Variants in HS6ST3 observed in about 807,000 individuals in gnomAD.
HS6ST3 encodes the protein heparan sulfate 6-O-sulfotransferase 3.
Under a neutral mutation model 36.7 loss-of-function variants are expected in HS6ST3, and 12 were observed. The ratio of observed to expected loss-of-function variants is 0.33; its 90% CI spans 0.21 to 0.53. The LOEUF (loss-of-function observed/expected upper bound fraction) is 0.53. Ranked by LOEUF, HS6ST3 falls within the 20% of genes least tolerant of loss-of-function variation. HS6ST3 has a pLI of 0.95. For missense variants in HS6ST3, 584 were observed against 640.9 expected, an observed-to-expected ratio of 0.91 and a Z score of 0.96; for synonymous variants, 240 against 257.5, an observed-to-expected ratio of 0.93 and a Z score of 0.65.
intron 1 of HS6ST3, among the ~76,000 whole-genome samples, chr13:96,540,420 C>T (rs566337413): frequency 8.6e-4 from 131 of 152,154 alleles, no homozygotes; most frequent in African/African-American, 3.0e-3. Context: ...CTTTTGCTTG[C>T]TTAACTTGTC....
chr13:96,490,389 A>G (rs971663015), intron 1 of HS6ST3, among the ~76,000 whole-genome samples: 2 of 152,160 alleles, frequency 1.3e-5, no homozygotes, highest in Admixed American at 6.6e-5. Flanking sequence ...GTGGTCAACT[A>G]TAAACAAGCA....
At chr13:96,161,056 T>C (rs544052694) in intron 1 of HS6ST3, among the ~76,000 whole-genome samples, 100 of 152,326 alleles carry the variant, frequency 6.6e-4, no homozygotes, top group African/African-American at 2.3e-3. Flanking sequence ...ATTTGCCAAG[T>C]AGCATTTCTA....
At chr13:96,384,901 C>T (rs894160927) in intron 1 of HS6ST3, among the ~76,000 whole-genome samples, 11 of 152,084 alleles carry the variant, frequency 7.2e-5, no homozygotes, top group Admixed American at 3.9e-4. Context: ...GTTCTTTGGC[C>T]GGGCACAGTG....
chr13:96,294,966 T>C (rs1314231020), intron 1 of HS6ST3, among the ~76,000 whole-genome samples: 1 of 152,108 alleles, frequency 6.6e-6, no homozygotes, highest in African/African-American at 2.4e-5. Flanking sequence ...AAAATTTCCT[T>C]CCTTAGTTTT....
intron 1 of HS6ST3, among the ~76,000 whole-genome samples, chr13:96,422,161 G>A (rs1355378422): frequency 1.3e-5 from 2 of 152,162 alleles, no homozygotes; most frequent in Non-Finnish European, 2.9e-5. Context: ...CAGTAAGAGC[G>A]ATGGCAGTCT....
intron 1 of HS6ST3, among the ~76,000 whole-genome samples, chr13:96,447,522 G>C (rs2055704923): frequency 6.6e-6 from 1 of 152,156 alleles, no homozygotes; most frequent in African/African-American, 2.4e-5. Context: ...GCAAATGCTG[G>C]CTGTTAGAAA....
intron 1 of HS6ST3, among the ~76,000 whole-genome samples, chr13:96,653,169 C>T (rs1457097770): frequency 1.3e-5 from 2 of 151,942 alleles, no homozygotes; most frequent in Non-Finnish European, 2.9e-5. Flanking sequence ...ATTGGGAAAC[C>T]TCAACTGTTG....
At chr13:96,268,767 A>T (rs142866526) in intron 1 of HS6ST3, among the ~76,000 whole-genome samples, 2 of 152,008 alleles carry the variant, frequency 1.3e-5, no homozygotes. Context: ...TATATTTTGT[A>T]TATTATATCT....
chr13:96,567,357 G>T (rs1013399075), intron 1 of HS6ST3, among the ~76,000 whole-genome samples: 1 of 152,120 alleles, frequency 6.6e-6, no homozygotes, highest in Non-Finnish European at 1.5e-5. Context: ...AGAGGGGGTG[G>T]TAGAGGTAGG....
chr13:96,302,080 G>T (rs2054886213), intron 1 of HS6ST3, among the ~76,000 whole-genome samples: 1 of 151,766 alleles, frequency 6.6e-6, no homozygotes, highest in Admixed American at 6.6e-5. Flanking sequence ...TGGCAGTGGG[G>T]GTTATATTAA....
intron 1 of HS6ST3, among the ~76,000 whole-genome samples, chr13:96,455,941 G>A (rs140630784): frequency 6.6e-6 from 1 of 152,254 alleles, no homozygotes; most frequent in African/African-American, 2.4e-5. Flanking sequence ...AAAAGCTGAT[G>A]GTTAAACCTA....
chr13:96,398,840 A>T (rs1353052292), intron 1 of HS6ST3, among the ~76,000 whole-genome samples: 1 of 152,154 alleles, frequency 6.6e-6, no homozygotes, highest in Non-Finnish European at 1.5e-5. Flanking sequence ...CTGGCCCTGG[A>T]GGCTGCCTCT....
chr13:96,203,411 G>A (rs1385775419), intron 1 of HS6ST3, among the ~76,000 whole-genome samples: 1 of 152,216 alleles, frequency 6.6e-6, no homozygotes, highest in Non-Finnish European at 1.5e-5. Context: ...TCACTTCTAT[G>A]CTCTAATCGT....
intron 1 of HS6ST3, among the ~76,000 whole-genome samples, chr13:96,679,359 G>T (rs2056710362): frequency 6.6e-6 from 1 of 151,828 alleles, no homozygotes; most frequent in Non-Finnish European, 1.5e-5. Flanking sequence ...GAGCAGGCTT[G>T]TTTAAAGCCC....
chr13:96,121,059 A>G (rs888124752), intron 1 of HS6ST3, among the ~76,000 whole-genome samples: 16 of 152,234 alleles, frequency 1.1e-4, no homozygotes, highest in Admixed American at 2.0e-4. Flanking sequence ...TCCGAGACCT[A>G]AAACAGAAAC....
At chr13:96,744,316 A>T (rs977064587) in intron 1 of HS6ST3, among the ~76,000 whole-genome samples, 5 of 152,092 alleles carry the variant, frequency 3.3e-5, no homozygotes, top group African/African-American at 1.2e-4. Context: ...AACCATAAAG[A>T]AAATAATCAT....
intron 1 of HS6ST3, among the ~76,000 whole-genome samples, chr13:96,460,848 A>G (rs1217180606): frequency 6.6e-6 from 1 of 152,184 alleles, no homozygotes; most frequent in Admixed American, 6.5e-5. Context: ...TGTGGTTCAG[A>G]GCATATAGTC....
intron 1 of HS6ST3, among the ~76,000 whole-genome samples, chr13:96,558,509 A>G (rs9513164): frequency 0.64 from 98,040 of 152,174 alleles, 35,295 homozygotes; most frequent in Non-Finnish European, 0.79. Context: ...TTCACAAACC[A>G]TTTATAGATT....
At chr13:96,724,699 C>T (rs1201240194) in intron 1 of HS6ST3, among the ~76,000 whole-genome samples, 1 of 152,122 alleles carries the variant, frequency 6.6e-6, no homozygotes, top group Non-Finnish European at 1.5e-5. Context: ...ATTTTGTGTA[C>T]ATCAATAGTT....
Sources: gnomAD v4.1 joint callset for allele counts (sites outside exome capture counted in the v4.1 genomes callset) on GRCh38, gnomAD v4.1.1 for gene constraint, MANE v1.5 for transcripts, NCBI Gene and HGNC (gene_info 2026-07-23, HGNC 2026-07-21) for gene names.